The following ORC5 variants were observed in gnomAD, a reference collection of about 807,000 sequenced individuals.
The protein encoded by ORC5 is origin recognition complex subunit 5.
In ORC5, 39 loss-of-function variants were observed where a neutral mutation model predicts 58.8. That is an observed-to-expected ratio of 0.66 (90% confidence interval 0.51 to 0.87). The LOEUF (loss-of-function observed/expected upper bound fraction) is 0.87. ORC5 is among the 40% of genes least tolerant of loss of function. The pLI is 0.00. For synonymous variants in ORC5, 218 were observed against 177.6 expected, an observed-to-expected ratio of 1.23 and a Z score of -1.81; for missense variants, 493 against 506.3, an observed-to-expected ratio of 0.97 and a Z score of 0.25.
At chr7:104,172,434 T>G (rs1327004074) in intron 8 of ORC5, among the ~76,000 whole-genome samples, 1 of 152,210 alleles carries the variant, frequency 6.6e-6, no homozygotes, top group Admixed American at 6.5e-5. Context: ...TTTCTGCTAA[T>G]TAAGAAACTA....
Position 104,165,750 on chromosome 7 carries a change from T to C in ORC5, c.991-468A>G, listed in dbSNP as rs139471304. 175 of 159,310 alleles carry C rather than the reference T, an allele frequency of 1.1e-3. 1 individual carries two copies. Among genetic ancestry groups the C allele is most frequent in the Middle Eastern group, 6.0e-3 (2 of 334 alleles). 9.9% of individuals were successfully genotyped at this position (159,310 alleles called of 1,614,324 possible). A position where few individuals can be genotyped will look rare whatever the true frequency, so the allele number is the denominator to read the frequency against. On this transcript the variant is annotated intron_variant, in intron 10 of 13. Coordinates refer to ENST00000297431, the MANE Select transcript of ORC5 (RefSeq NM_002553.4). ...AGGATTCAATAGCAGGGGAAAACAA[T>C]AGATGTGGTCCTTGCCCTCTAGAAA... is the stretch of plus-strand genomic sequence containing the variant.
At chr7:104,173,374 C>T (rs1421499368) in intron 8 of ORC5, among the ~76,000 whole-genome samples, 8 of 152,234 alleles carry the variant, frequency 5.3e-5, no homozygotes, top group Non-Finnish European at 8.8e-5. Flanking sequence ...CACTGCAATG[C>T]CCATCCTCAA....
At chr7:104,141,887 C>T (rs1798679449) in intron 12 of ORC5, among the ~76,000 whole-genome samples, 2 of 152,054 alleles carry the variant, frequency 1.3e-5, no homozygotes, top group African/African-American at 2.4e-5. Flanking sequence ...TTTAAAATGT[C>T]CATACTACCC....
intron 13 of ORC5, among the ~76,000 whole-genome samples, chr7:104,127,619 C>G (rs554759983): frequency 1.3e-5 from 2 of 152,222 alleles, no homozygotes; most frequent in Non-Finnish European, 2.9e-5. Context: ...AAATTAAAGC[C>G]TTAAGTATTC....
chr7:104,179,533 AAAG>A (rs1349090196), intron 8 of ORC5, among the ~76,000 whole-genome samples: 1 of 150,922 alleles, frequency 6.6e-6, no homozygotes, highest in Non-Finnish European at 1.5e-5. Context: ...ACTATATTAG[AAAG>A]AAGTTTTTTT....
intron 12 of ORC5, among the ~76,000 whole-genome samples, chr7:104,158,982 T>C (rs1798977273): frequency 9.1e-6 from 1 of 110,080 alleles, no homozygotes; most frequent in Admixed American, 8.6e-5. Context: ...CCTGGGTATA[T>C]ACCCAAAGGA....
chr7:104,147,561 T>C (rs1798776919), intron 12 of ORC5, among the ~76,000 whole-genome samples: 1 of 152,190 alleles, frequency 6.6e-6, no homozygotes, highest in Admixed American at 6.5e-5. Flanking sequence ...AGATCAATAC[T>C]TCACTTAATA....
chr7:104,148,203 G>A (rs538713450), intron 12 of ORC5, among the ~76,000 whole-genome samples: 25 of 152,294 alleles, frequency 1.6e-4, no homozygotes, highest in Admixed American at 8.5e-4. Context: ...CCTCAGAGAG[G>A]TGAGTAAATT....
At chr7:104,174,549 CAGG>C (rs1799282113) in intron 8 of ORC5, among the ~76,000 whole-genome samples, 1 of 152,160 alleles carries the variant, frequency 6.6e-6, no homozygotes, top group South Asian at 2.1e-4. Context: ...ATGAGCAGGA[CAGG>C]AGAAGGCTCC....
intron 2 of ORC5, among the ~76,000 whole-genome samples, chr7:104,203,265 C>A (rs1562832041): frequency 6.6e-6 from 1 of 152,168 alleles, no homozygotes; most frequent in Non-Finnish European, 1.5e-5. Context: ...TGTGGGCTAG[C>A]CACCTGTTTT....
In ORC5 at chr7:104,133,169, G is replaced by A. The variant is rs1271166606; in HGVS notation, c.1262+3612C>T. 1.3e-5 allele frequency among the ~76,000 whole-genome samples: 2 copies of A among 152,106 alleles called. No homozygotes were observed. Among genetic ancestry groups the A allele is most frequent in the African/African-American group, 4.8e-5 (2 of 41,392 alleles). On this transcript the variant is annotated intron_variant, in intron 13 of 13. Transcript: ENST00000297431. This position sits in a 1 kb window ranked among gnomAD's most constrained non-coding sequence, Gnocchi z 4.7. The stretch of plus-strand genomic sequence containing the variant: ...AACTACTGAATATTTTTAATGAGCA[G>A]GGTGACATTAAATTTTTATAAAATC...
At position 104,200,980 on chromosome 7, in the gene ORC5, C is replaced by T. The variant is rs749151763; in HGVS notation, c.166-22G>A. 157 of 1,589,522 alleles carry T rather than the reference C, an allele frequency of 9.9e-5. No individual in the cohort carries two copies. In the East Asian group the frequency reaches 3.5e-3, roughly 35 times the overall value. On this transcript the variant is annotated intron_variant, in intron 2 of 13. Transcript: ENST00000297431. Reference sequence around the variant, plus strand: ...GGAGCTGAAAACGAAAACCAAAACACTGTAAGTAAAGAAGAAAACACACAA... The same window carrying T: ...GGAGCTGAAAACGAAAACCAAAACATTGTAAGTAAAGAAGAAAACACACAA...
At chr7:104,161,040 G>T in intron 12 of ORC5, 32 bp downstream of exon 12, 1 of 1,158,208 alleles carries the variant, frequency 8.6e-7, no homozygotes, top group Non-Finnish European at 1.3e-6. Flanking sequence ...ATCCCACAAA[G>T]ATGACAGATA....
intron 8 of ORC5, among the ~76,000 whole-genome samples, chr7:104,178,738 T>C (rs1041938487): frequency 4.6e-5 from 7 of 152,144 alleles, no homozygotes; most frequent in African/African-American, 7.2e-5. Flanking sequence ...TTGTATAAGA[T>C]GTATGAAGGG....
intron 8 of ORC5, among the ~76,000 whole-genome samples, chr7:104,172,765 A>G (rs1799237675): frequency 6.6e-6 from 1 of 152,200 alleles, no homozygotes; most frequent in Admixed American, 6.5e-5. Flanking sequence ...ACGGCAGACA[A>G]TGGCTGAGCT....
chr7:104,185,940 T>C (rs1179161685), intron 6 of ORC5, among the ~76,000 whole-genome samples: 1 of 152,086 alleles, frequency 6.6e-6, no homozygotes, highest in East Asian at 1.9e-4. Flanking sequence ...TAAAATAATT[T>C]CTTCCTATTC....
chr7:104,181,140 ATAAC>A lies in ORC5; in HGVS notation c.824+2799_824+2802del, dbSNP rs1467746659. ...ACAAAAATTAATTACATGAGATTGA[ATAAC>A]TGATGAGGATGTTTTTATGATTTTT... On this transcript the variant is annotated intron_variant, in intron 8 of 13. Transcript: ENST00000297431. Among the ~76,000 whole-genome samples the A allele has an allele frequency of 5.3e-5, 8 of 151,896 alleles. No homozygotes were observed. The East Asian group carries it at 1.5e-3, about 29-fold the overall frequency.
intron 12 of ORC5, among the ~76,000 whole-genome samples, chr7:104,159,681 T>C (rs1168619160): frequency 6.6e-6 from 1 of 152,160 alleles, no homozygotes; most frequent in East Asian, 1.9e-4. Flanking sequence ...AACATGTTTC[T>C]GCTCTGTTCA....
At chr7:104,182,930 T>C (rs1799465304) in intron 8 of ORC5, among the ~76,000 whole-genome samples, 1 of 151,762 alleles carries the variant, frequency 6.6e-6, no homozygotes, top group South Asian at 2.1e-4. Context: ...AGGTCAGGAG[T>C]TCGAGACCAG....
Sources: allele counts gnomAD v4.1 joint callset (sites outside exome capture counted in the v4.1 genomes callset), GRCh38; gene constraint gnomAD v4.1.1; non-coding constraint Gnocchi (gnomAD v3.1); transcripts MANE v1.5; gene names NCBI Gene and HGNC (gene_info 2026-07-23, HGNC 2026-07-21).